The following MGST1 variants were observed in gnomAD, a reference collection of about 807,000 sequenced individuals.
The protein encoded by MGST1 is microsomal glutathione S-transferase 1, also known as glutathione S-transferase 12.
In MGST1, 5 loss-of-function variants were observed where a neutral mutation model predicts 8.9. The ratio of observed to expected loss-of-function variants is 0.56; its 90% CI spans 0.29 to 1.19. MGST1 has a LOEUF of 1.19. Among genes scored for constraint, MGST1 ranks in the 50% most tolerant of loss-of-function variants. The pLI is 0.08. For synonymous variants in MGST1, 54 were observed against 67.8 expected, an observed-to-expected ratio of 0.80 and a Z score of 1.00; for missense variants, 182 against 187.4, an observed-to-expected ratio of 0.97 and a Z score of 0.17.
chr12:16,519,648 T>TG (rs1262804902), intron 4 of MGST1, among the ~76,000 whole-genome samples: 3 of 151,720 alleles, frequency 2.0e-5, no homozygotes, highest in African/African-American at 4.9e-5. Context: ...TAGACTACAT[T>TG]TTTTTACAGT....
At chr12:16,439,551 C>G (rs1941020994), downstream of MGST1, among the ~76,000 whole-genome samples, 1 of 151,752 alleles carries the variant, frequency 6.6e-6, no homozygotes, top group Non-Finnish European at 1.5e-5. Context: ...ATCTTTCTGT[C>G]CCCAAACACT....
chr12:16,418,897 A>T (rs1026196228), intron 1 of MGST1, among the ~76,000 whole-genome samples: 7 of 152,112 alleles, frequency 4.6e-5, no homozygotes, highest in Admixed American at 3.9e-4. Context: ...AGGATCAGTA[A>T]AAAAGTTCAC....
Position 16,560,387 on chromosome 12 carries a change from T to G in MGST1, n.483-29141T>G, listed in dbSNP as rs780429015. 1.9e-6 allele frequency: 3 copies of G among 1,606,488 alleles called. No homozygotes were observed. Among genetic ancestry groups the G allele is most frequent in the South Asian group, 2.2e-5 (2 of 89,316 alleles). On this transcript the variant is annotated intron_variant and non_coding_transcript_variant, in intron 4 of 4. Transcript: ENST00000538857. The surrounding 1 kb of genome is among the most constrained non-coding windows in gnomAD (Gnocchi z 5.0). The stretch of plus-strand genomic sequence containing the variant: ...CAGCACAGAGAGGTTAACCATTTCT[T>G]AGAGACCAAAAAGAGACCTGCTTAC...
At chr12:16,399,685 A>G in intron 1 of MGST1, 1 of 1,426,866 alleles carries the variant, frequency 7.0e-7, no homozygotes, top group East Asian at 2.3e-5. Context: ...TGTTCGAAAA[A>G]GCCCTCAGGG....
intron 1 of MGST1, among the ~76,000 whole-genome samples, chr12:16,396,067 C>A (rs1217413845): frequency 2.0e-5 from 3 of 152,098 alleles, no homozygotes; most frequent in Admixed American, 6.6e-5. Context: ...TATATTCCCA[C>A]CCACAGTGTA....
chr12:16,518,185 C>T (rs1169871820), intron 4 of MGST1, among the ~76,000 whole-genome samples: 1 of 152,208 alleles, frequency 6.6e-6, no homozygotes, highest in African/African-American at 2.4e-5. Context: ...ACCTCATCTT[C>T]TCCAACTCTG....
chr12:16,358,779 C>CTTTTTTTTTTTTTTTTTTT (rs35081887), intron 3 of MGST1, among the ~76,000 whole-genome samples: 1 of 57,582 alleles, frequency 1.7e-5, no homozygotes, highest in Non-Finnish European at 3.1e-5. Flanking sequence ...AAATTCATTC[C>CTTTTTTTTTTTTTTTTTTT]TTTTTTTTTT....
At chr12:16,566,392 G>A (rs748408780) in intron 4 of MGST1, among the ~76,000 whole-genome samples, 1 of 151,910 alleles carries the variant, frequency 6.6e-6, no homozygotes, top group Non-Finnish European at 1.5e-5. Context: ...ATAGGTAGAA[G>A]AGAAGCTTTT....
chr12:16,573,078 A>G (rs1303199015), intron 4 of MGST1, among the ~76,000 whole-genome samples: 1 of 152,094 alleles, frequency 6.6e-6, no homozygotes, highest in South Asian at 2.1e-4. Flanking sequence ...GAAAGAAAAA[A>G]TACCTTTTTT....
intron 4 of MGST1, among the ~76,000 whole-genome samples, chr12:16,570,777 C>G (rs978366100): frequency 1.1e-4 from 16 of 152,068 alleles, no homozygotes; most frequent in Admixed American, 9.8e-4. Flanking sequence ...CAACAGTCAC[C>G]TGATTATTCA....
At chr12:16,553,331 A>T (rs1212317075) in intron 4 of MGST1, among the ~76,000 whole-genome samples, 2 of 152,182 alleles carry the variant, frequency 1.3e-5, no homozygotes, top group African/African-American at 4.8e-5. Context: ...GCAGTAAAGC[A>T]TGCAGGCTAC....
intron 4 of MGST1, among the ~76,000 whole-genome samples, chr12:16,522,355 T>C (rs1941653621): frequency 6.6e-6 from 1 of 152,150 alleles, no homozygotes; most frequent in Admixed American, 6.6e-5. Flanking sequence ...ATGTGAATTT[T>C]GCATTCCCCT....
intron 4 of MGST1, among the ~76,000 whole-genome samples, chr12:16,476,370 G>C (rs9668520): frequency 6.6e-6 from 1 of 152,026 alleles, no homozygotes; most frequent in African/African-American, 2.4e-5. Context: ...ATAATTCTTG[G>C]TGTATATGCT....
chr12:16,427,806 C>G (rs1940903169), intron 1 of MGST1, among the ~76,000 whole-genome samples: 1 of 152,134 alleles, frequency 6.6e-6, no homozygotes, highest in African/African-American at 2.4e-5. Flanking sequence ...TTTTAAAAAA[C>G]TTATTTTTTT....
rs375280220 is a variant in MGST1 at position 16,589,156 on chromosome 12, G to C, written n.483-372G>C. 1.3e-5 allele frequency among the ~76,000 whole-genome samples: 2 copies of C among 152,068 alleles called. No individual in the cohort carries two copies. Among genetic ancestry groups the C allele is most frequent in the African/African-American group, 4.8e-5 (2 of 41,412 alleles). ...ATTAGATGTAACCTCACCCAGTTTGGAAGATTTTAGGGAAGTGACAAGAAC... is the reference window on the plus strand; with the variant it reads ...ATTAGATGTAACCTCACCCAGTTTGCAAGATTTTAGGGAAGTGACAAGAAC... On this transcript the variant is annotated intron_variant and non_coding_transcript_variant, in intron 4 of 4. Coordinates refer to the MGST1 transcript ENST00000538857. The surrounding 1 kb of genome is among the most constrained non-coding windows in gnomAD (Gnocchi z 4.2).
chr12:16,518,509 T>TA (rs1186936654), intron 4 of MGST1, among the ~76,000 whole-genome samples: 1 of 151,980 alleles, frequency 6.6e-6, no homozygotes, highest in South Asian at 2.1e-4. Flanking sequence ...CCCTCTTTTT[T>TA]AAAAAAAATG....
chr12:16,593,193 A>G (rs10772947), downstream of MGST1, among the ~76,000 whole-genome samples: 75,872 of 151,606 alleles, frequency 0.5, 19,445 homozygotes, highest in South Asian at 0.59. This position sits in a 1 kb window ranked among gnomAD's most constrained non-coding sequence, Gnocchi z 4.2. Flanking sequence ...ACGATGCTTC[A>G]CTGCATTAGT....
At chr12:16,354,720 C>T (rs1351931530) in intron 2 of MGST1, 1 of 162,574 alleles carries the variant, frequency 6.2e-6, no homozygotes, top group African/African-American at 2.4e-5. Context: ...ATTTTCTAGA[C>T]AGTTAACTGG....
intron 4 of MGST1, chr12:16,573,884 C>T (rs563885628): frequency 1.3e-5 from 2 of 152,410 alleles, no homozygotes; most frequent in Admixed American, 1.3e-4. Flanking sequence ...GGCCACTCCA[C>T]GCCAGGAGCA....
Sources: gnomAD v4.1 joint callset for allele counts (sites outside exome capture counted in the v4.1 genomes callset) on GRCh38, gnomAD v4.1.1 for gene constraint, Gnocchi (gnomAD v3.1) non-coding constraint, MANE v1.5 for transcripts, NCBI Gene and HGNC (gene_info 2026-07-23, HGNC 2026-07-21) for gene names.